VPS4A: variants seen among roughly 807,000 people sequenced by gnomAD.
VPS4A encodes vacuolar protein sorting 4 homolog A.
A neutral mutation model predicts 52.3 loss-of-function variants in VPS4A; 20 were observed. The ratio of observed to expected loss-of-function variants is 0.38; its 90% CI spans 0.27 to 0.56. VPS4A has a LOEUF of 0.56. Ranked by LOEUF, VPS4A falls within the 20% of genes least tolerant of loss-of-function variation. The pLI is 0.72. For synonymous variants in VPS4A, 293 were observed against 227.7 expected, an observed-to-expected ratio of 1.29 and a Z score of -2.58; for missense variants, 419 against 575.9, an observed-to-expected ratio of 0.73 and a Z score of 2.79.
At chr16:69,312,305 G>A (rs1466668550) in intron 1 of VPS4A, among the ~76,000 whole-genome samples, 1 of 152,124 alleles carries the variant, frequency 6.6e-6, no homozygotes, top group East Asian at 1.9e-4. Flanking sequence ...TTGTATGTCT[G>A]GCACATAGTA....
In VPS4A at chr16:69,318,640, C is replaced by T; in HGVS notation, c.282-10C>T. ...AGGGCCAGCTTGTGACTTTCCGTCT[C>T]CCTTCCCAGCAGTGACAGTGACAGT... On this transcript the variant is annotated splice_polypyrimidine_tract_variant and intron_variant, in intron 3 of 10. Coordinates refer to ENST00000254950, the MANE Select transcript of VPS4A (RefSeq NM_013245.3). 6.2e-7 allele frequency: 1 copy of T among 1,603,440 alleles called. No individual in the cohort carries two copies. Among genetic ancestry groups the T allele is most frequent in the Non-Finnish European group, 8.5e-7 (1 of 1,175,058 alleles).
intron 1 of VPS4A, 135 bp downstream of exon 1, chr16:69,311,667 T>G: frequency 1.1e-6 from 1 of 936,972 alleles, no homozygotes; most frequent in Non-Finnish European, 1.4e-6. Flanking sequence ...GGCCGCCCCC[T>G]CGCCGCTTCC....
Position 69,326,648 on chromosome 16 carries a change from TTGGACAG to T in VPS4A, c.*2343_*2349del, listed in dbSNP as rs1965601788. 1 of 152,194 alleles carries T rather than the reference TTGGACAG, an allele frequency of 6.6e-6. No homozygotes were observed. The highest frequency in any genetic ancestry group is 2.4e-5 in the African/African-American group (1 of 41,438). The allele number at this position is 152,194 out of a possible 1,614,324, so 9.4% of individuals were successfully genotyped here. On this transcript the variant is annotated 3_prime_UTR_variant, in exon 11 of 11. Coordinates refer to ENST00000254950, the MANE Select transcript of VPS4A (RefSeq NM_013245.3). The stretch of plus-strand genomic sequence containing the variant: ...CAACAGGAACCACTGACGCTGAACT[TTGGACAG>T]TGGCCTCAGACTCTGGCTGCCAGCA...
In VPS4A at chr16:69,320,892, CCAAG is replaced by C; in HGVS notation, c.851+126_851+129del. On this transcript the variant is annotated intron_variant, in intron 8 of 10. Coordinates refer to ENST00000254950, the MANE Select transcript of VPS4A (RefSeq NM_013245.3). The surrounding 1 kb of genome is among the most constrained non-coding windows in gnomAD (Gnocchi z 4.2). ...TCCCTGGAGTCTTCCCGTCTGCCTG[CCAAG>C]CAGAGCCCTTTGTGAGGCTGGCTTG... The C allele has an allele frequency of 8.1e-7, 1 of 1,233,616 alleles. No individual in the cohort carries two copies. The highest frequency in any genetic ancestry group is 1.1e-6 in the Non-Finnish European group (1 of 874,340). The allele number at this position is 1,233,616 out of a possible 1,614,324, so 76.4% of individuals were successfully genotyped here.
rs1231243780 is a variant in VPS4A, at chr16:69,321,181, G to A, written c.982G>A (p.Gly328Ser). 2 of 1,574,994 alleles carry A rather than the reference G, an allele frequency of 1.3e-6. No homozygotes were observed. Among genetic ancestry groups the A allele is most frequent in the Non-Finnish European group, 1.7e-6 (2 of 1,161,042 alleles). ...CCACGAGCTGGCCCGGAAGACGGAA[G>A]GCTACTCGGGCGCGGACATCAGCAT... Reference protein sequence around the residue: ...NIHELARKTEGYSGADISIIV... With the variant: ...NIHELARKTESYSGADISIIV... The change falls in exon 9 of 11, where the codon GGC becomes AGC. Residue 328 changes from glycine to serine, a missense_variant. Gly to Ser is a moderately conservative substitution (Grantham distance 56). This residue lies in a region of VPS4A where 185 missense variants were observed against 200.2 expected (regional missense o/e 0.92). Transcript: ENST00000254950. This position sits in a 1 kb window ranked among gnomAD's most constrained non-coding sequence, Gnocchi z 4.5.
Position 69,320,061 on chromosome 16 carries a change from G to C in VPS4A, c.621-80G>C. On this transcript the variant is annotated intron_variant, in intron 6 of 10. Coordinates refer to ENST00000254950, the MANE Select transcript of VPS4A (RefSeq NM_013245.3). This position sits in a 1 kb window ranked among gnomAD's most constrained non-coding sequence, Gnocchi z 4.2. Reference sequence around the variant, plus strand: ...TGGCCTGCGCCTCCCTGTGGGAAGGGTGAGAAGAGGGAAGTGCCGGGAGCC... The same window carrying C: ...TGGCCTGCGCCTCCCTGTGGGAAGGCTGAGAAGAGGGAAGTGCCGGGAGCC... The C allele has an allele frequency of 6.6e-7, 1 of 1,510,756 alleles. No individual in the cohort carries two copies. Among genetic ancestry groups the C allele is most frequent in the Non-Finnish European group, 8.9e-7 (1 of 1,119,546 alleles). The allele number at this position is 1,510,756 out of a possible 1,614,324, so 93.6% of individuals were successfully genotyped here.
intron 10 of VPS4A, chr16:69,323,159 A>T (rs1965535355): frequency 1.9e-5 from 3 of 162,128 alleles, no homozygotes; most frequent in Admixed American, 1.2e-4. Flanking sequence ...CTGGGGGCCC[A>T]GAATGCAGGT....
rs1019486614 is a variant in VPS4A, at chr16:69,321,539, A to C, written c.1071+269A>C. 2.2e-5 allele frequency: 11 copies of C among 504,594 alleles called. No individual in the cohort carries two copies. Among genetic ancestry groups the C allele is most frequent in the Non-Finnish European group, 3.2e-5 (9 of 277,490 alleles). The allele number at this position is 504,594 out of a possible 1,614,324, so 31.3% of individuals were successfully genotyped here. On this transcript the variant is annotated intron_variant, in intron 9 of 10. Transcript: ENST00000254950. This position sits in a 1 kb window ranked among gnomAD's most constrained non-coding sequence, Gnocchi z 4.5. The stretch of plus-strand genomic sequence containing the variant: ...CCCTGCTGCGGCCTCCTCCGTCAGC[A>C]CTGTGTGCTCTTGTGCGGGGTGGAC...
In VPS4A at chr16:69,320,777, TTC is replaced by T; in HGVS notation, c.851+9_851+10del. ...TTCGGCCATCAGGAGGAGGTGAGTCTTCCCCAGGAGAAGCCAGGGCTGGAGGC... is the reference window on the plus strand; with the variant it reads ...TTCGGCCATCAGGAGGAGGTGAGTCTCCCAGGAGAAGCCAGGGCTGGAGGC... On this transcript the variant is annotated intron_variant, in intron 8 of 10. Transcript: ENST00000254950. The surrounding 1 kb of genome is among the most constrained non-coding windows in gnomAD (Gnocchi z 4.2). 1 of 1,600,430 alleles carries T rather than the reference TTC, an allele frequency of 6.2e-7. No homozygotes were observed. The highest frequency in any genetic ancestry group is 8.5e-7 in the Non-Finnish European group (1 of 1,173,664).
chr16:69,315,307 T>G (rs1965422789), intron 1 of VPS4A, among the ~76,000 whole-genome samples: 1 of 152,224 alleles, frequency 6.6e-6, no homozygotes, highest in Non-Finnish European at 1.5e-5. Flanking sequence ...CACAGAGCTC[T>G]TAGAAGGTTC....
chr16:69,320,003 A>C lies in VPS4A; in HGVS notation c.621-138A>C, dbSNP rs1234214037. On this transcript the variant is annotated intron_variant, in intron 6 of 10. Coordinates refer to ENST00000254950, the MANE Select transcript of VPS4A (RefSeq NM_013245.3). The surrounding 1 kb of genome is among the most constrained non-coding windows in gnomAD (Gnocchi z 4.2). ...GTGCAGTGTGGCCCGAGGGCTCCTCACCACCACGTTTTCCGCAATTCCGGC... is the reference window on the plus strand; with the variant it reads ...GTGCAGTGTGGCCCGAGGGCTCCTCCCCACCACGTTTTCCGCAATTCCGGC... 3.3e-6 allele frequency: 4 copies of C among 1,217,636 alleles called. No individual in the cohort carries two copies. The highest frequency in any genetic ancestry group is 4.5e-6 in the Non-Finnish European group (4 of 886,952). The allele number at this position is 1,217,636 out of a possible 1,614,324, so 75.4% of individuals were successfully genotyped here. A position where few individuals can be genotyped will look rare whatever the true frequency, so the allele number is the denominator to read the frequency against.
chr16:69,312,558 G>A (rs537781007), intron 1 of VPS4A, among the ~76,000 whole-genome samples: 52 of 152,268 alleles, frequency 3.4e-4, no homozygotes, highest in African/African-American at 1.2e-3. Flanking sequence ...TATGGCCCGT[G>A]AACCGAGAAT....
Position 69,325,844 on chromosome 16 carries a change from CACT to C in VPS4A, c.*1537_*1539del, listed in dbSNP as rs1322779205. The C allele has an allele frequency of 2.0e-5, 3 of 152,152 alleles. No homozygotes were observed. Among genetic ancestry groups the C allele is most frequent in the Non-Finnish European group, 4.4e-5 (3 of 68,050 alleles). The allele number at this position is 152,152 out of a possible 1,614,324, so 9.4% of individuals were successfully genotyped here. A position where few individuals can be genotyped will look rare whatever the true frequency, so the allele number is the denominator to read the frequency against. ...CCTCATGGGGCAGCCTGTCAGCGGC[CACT>C]AAGTAGAGGCTGCTCTGTACAGAAG... On this transcript the variant is annotated 3_prime_UTR_variant, in exon 11 of 11. Transcript: ENST00000254950.
At chr16:69,319,999 C>T in intron 6 of VPS4A, 142 bp from the exon 7 acceptor site, 2 of 1,174,590 alleles carry the variant, frequency 1.7e-6, no homozygotes, top group Non-Finnish European at 2.4e-6. Flanking sequence ...CCCGAGGGCT[C>T]CTCACCACCA....
At chr16:69,318,622 G>C in intron 3 of VPS4A, 28 bp from the exon 4 acceptor site, 1 of 1,590,716 alleles carries the variant, frequency 6.3e-7, no homozygotes. Flanking sequence ...TGAAGGGCCA[G>C]CTTGTGACTT....
intron 5 of VPS4A, 132 bp from the exon 6 acceptor site, chr16:69,319,255 A>T: frequency 7.6e-7 from 1 of 1,320,250 alleles, no homozygotes; most frequent in Non-Finnish European, 1.0e-6. Context: ...AGCTCCCATC[A>T]CTTGTTTGCC....
Position 69,320,496 on chromosome 16 carries a change from G to C in VPS4A, c.770-192G>C. The C allele has an allele frequency of 1.2e-6, 1 of 813,584 alleles. No individual in the cohort carries two copies. The highest frequency in any genetic ancestry group is 1.9e-6 in the Non-Finnish European group (1 of 523,368). The allele number at this position is 813,584 out of a possible 1,614,324, so 50.4% of individuals were successfully genotyped here. A position where few individuals can be genotyped will look rare whatever the true frequency, so the allele number is the denominator to read the frequency against. On this transcript the variant is annotated intron_variant, in intron 7 of 10. Transcript: ENST00000254950. This position sits in a 1 kb window ranked among gnomAD's most constrained non-coding sequence, Gnocchi z 4.2. Reference sequence around the variant, plus strand: ...GGCCACTCCACCCCTCCCATGGCAGGCAGTGCCATAGGTCTCACCTGGCAC... The same window carrying C: ...GGCCACTCCACCCCTCCCATGGCAGCCAGTGCCATAGGTCTCACCTGGCAC...
intron 10 of VPS4A, 137 bp from the exon 11 acceptor site, chr16:69,324,071 G>A (rs1388482885): frequency 2.6e-6 from 2 of 755,810 alleles, no homozygotes; most frequent in Non-Finnish European, 4.3e-6. Flanking sequence ...CCCTGCCATA[G>A]GCAGATTCAA....
intron 1 of VPS4A, among the ~76,000 whole-genome samples, chr16:69,312,313 G>A (rs1345968058): frequency 6.6e-6 from 1 of 152,172 alleles, no homozygotes; most frequent in Non-Finnish European, 1.5e-5. Context: ...CTGGCACATA[G>A]TAGGTGTCCA....
Sources: allele counts gnomAD v4.1 joint callset (sites outside exome capture counted in the v4.1 genomes callset), GRCh38; gene constraint gnomAD v4.1.1; regional missense constraint gnomAD v4.1.1; non-coding constraint Gnocchi (gnomAD v3.1); transcripts MANE v1.5; gene names NCBI Gene and HGNC (gene_info 2026-07-23, HGNC 2026-07-21).